The following AKR1C8 variants were observed in gnomAD, a reference collection of about 807,000 sequenced individuals.
AKR1C8 encodes aldo-keto reductase family 1 member C8.
chr10:5,166,484 C>T, the AKR1C8 span, among the ~76,000 whole-genome samples: 2 of 152,162 alleles, frequency 1.3e-5, no homozygotes, highest in Non-Finnish European at 2.9e-5. Flanking sequence ...AATAATGCCA[C>T]ATATCTACAA....
the AKR1C8 span, chr10:5,162,060 G>A: frequency 2.2e-6 from 1 of 457,608 alleles, no homozygotes; most frequent in Non-Finnish European, 4.5e-6. Context: ...ATTGAGATAT[G>A]AGTCTTAAAA....
the AKR1C8 span, among the ~76,000 whole-genome samples, chr10:5,183,300 T>C: frequency 6.6e-6 from 1 of 152,170 alleles, no homozygotes; most frequent in African/African-American, 2.4e-5. Context: ...CAGAGGTTGC[T>C]TTATTTGAGA....
the AKR1C8 span, among the ~76,000 whole-genome samples, chr10:5,127,600 TCC>T: frequency 0.2 from 30,481 of 151,598 alleles, 3,919 homozygotes; most frequent in East Asian, 0.63. Flanking sequence ...GTGCCTGTAA[TCC>T]CAGCTACTCA....
the AKR1C8 span, among the ~76,000 whole-genome samples, chr10:5,160,587 G>A: frequency 6.6e-6 from 1 of 152,196 alleles, no homozygotes; most frequent in South Asian, 2.1e-4. Context: ...CAAGGCCAAA[G>A]GTGCCTCTAT....
At chr10:5,160,160 A>G in the AKR1C8 span, among the ~76,000 whole-genome samples, 1 of 116,314 alleles carries the variant, frequency 8.6e-6, no homozygotes, top group East Asian at 2.6e-4. Context: ...TTCCTAATGC[A>G]TTACCTTGCT....
the AKR1C8 span, among the ~76,000 whole-genome samples, chr10:5,125,820 A>G: frequency 6.6e-6 from 1 of 152,210 alleles, no homozygotes; most frequent in Non-Finnish European, 1.5e-5. Context: ...AAGACAGGTC[A>G]CATCACAGGA....
At chr10:5,163,873 T>C in the AKR1C8 span, among the ~76,000 whole-genome samples, 2 of 151,992 alleles carry the variant, frequency 1.3e-5, no homozygotes, top group African/African-American at 2.4e-5. Flanking sequence ...CCTTTGTCCT[T>C]TAAGCCTAAG....
At chr10:5,127,223 A>T in the AKR1C8 span, among the ~76,000 whole-genome samples, 1 of 139,350 alleles carries the variant, frequency 7.2e-6, no homozygotes, top group African/African-American at 3.2e-5. Context: ...TTTTTTTTTA[A>T]AAAAATTCAG....
At chr10:5,122,613 C>T in the AKR1C8 span, among the ~76,000 whole-genome samples, 1 of 152,076 alleles carries the variant, frequency 6.6e-6, no homozygotes. Flanking sequence ...CCAACCTAGA[C>T]TTAAGCAAGA....
At chr10:5,132,474 T>G in the AKR1C8 span, 1 of 843,000 alleles carries the variant, frequency 1.2e-6, no homozygotes. Context: ...TTTTAATACA[T>G]GAATATGTGT....
At chr10:5,155,445 A>T in the AKR1C8 span, 19 of 234,172 alleles carry the variant, frequency 8.1e-5, no homozygotes, top group Non-Finnish European at 1.5e-4. Context: ...GGCCTTCAAG[A>T]ATTGGATTCA....
chr10:5,129,892 GA>G, the AKR1C8 span, among the ~76,000 whole-genome samples: 1 of 151,798 alleles, frequency 6.6e-6, no homozygotes, highest in Non-Finnish European at 1.5e-5. Context: ...GATAGAGAGA[GA>G]CGGAACTCTG....
chr10:5,153,924 T>C, the AKR1C8 span, among the ~76,000 whole-genome samples: 19,499 of 152,248 alleles, frequency 0.13, 1,520 homozygotes, highest in Admixed American at 0.17. Context: ...TACAGGTCTT[T>C]TTTTGTATTT....
chr10:5,161,710 A>G, the AKR1C8 span: 1 of 533,982 alleles, frequency 1.9e-6, no homozygotes, highest in Non-Finnish European at 3.8e-6. Flanking sequence ...AAAGATACTC[A>G]CGAAAGTTTT....
the AKR1C8 span, among the ~76,000 whole-genome samples, chr10:5,170,097 T>TA: frequency 6.6e-6 from 1 of 152,024 alleles, no homozygotes; most frequent in Non-Finnish European, 1.5e-5. Context: ...CACCCTTAGT[T>TA]ATTAGTTGTT....
the AKR1C8 span, among the ~76,000 whole-genome samples, chr10:5,129,379 GAACT>G: frequency 2.0e-5 from 3 of 151,854 alleles, no homozygotes; most frequent in East Asian, 1.9e-4. Context: ...AGAGAAATAG[GAACT>G]AACTAAACCC....
chr10:5,123,655 A>G, the AKR1C8 span: 152 of 1,491,470 alleles, frequency 1.0e-4, no homozygotes, highest in Non-Finnish European at 1.2e-4. Context: ...GTACCATATA[A>G]TTAAAATACT....
At chr10:5,139,894 C>T in the AKR1C8 span, among the ~76,000 whole-genome samples, 2 of 151,890 alleles carry the variant, frequency 1.3e-5, no homozygotes, top group Admixed American at 6.6e-5. Context: ...TGCAACCTAC[C>T]CATCTGACAA....
chr10:5,120,527 C>T, the AKR1C8 span, among the ~76,000 whole-genome samples: 1 of 152,012 alleles, frequency 6.6e-6, no homozygotes, highest in Non-Finnish European at 1.5e-5. Context: ...TCCTTTCCAA[C>T]TGAATGTGAA....
Sources: gnomAD v4.1 joint callset for allele counts (sites outside exome capture counted in the v4.1 genomes callset) on GRCh38, gnomAD v4.1.1 for gene constraint, MANE v1.5 for transcripts, NCBI Gene and HGNC (gene_info 2026-07-23, HGNC 2026-07-21) for gene names.